Variants in RBFOX1 observed in about 807,000 individuals in gnomAD.
The protein encoded by RBFOX1 is RNA binding fox-1 homolog 1, also known as RNA binding protein fox-1 homolog 1.
RBFOX1 carries 8 observed loss-of-function variants against 57.7 expected under a neutral mutation model. The ratio of observed to expected loss-of-function variants is 0.14; its 90% CI spans 0.08 to 0.25. The LOEUF is 0.25. Among genes scored for constraint, RBFOX1 ranks in the 10% least tolerant of loss-of-function variants. The probability of loss-of-function intolerance (pLI) is 1.00; values close to 1 mark genes in which losing one functional copy is unlikely to be tolerated. For synonymous variants in RBFOX1, 326 were observed against 222.4 expected, an observed-to-expected ratio of 1.47 and a Z score of -4.15; for missense variants, 611 against 548.5, an observed-to-expected ratio of 1.11 and a Z score of -1.14.
intron 1 of RBFOX1, chr16:5,260,889 T>C (rs1464371363): frequency 6.6e-6 from 1 of 152,218 alleles, no homozygotes; most frequent in Non-Finnish European, 1.5e-5. Flanking sequence ...TCAAAATGGG[T>C]TCTGAGTCCA....
intron 3 of RBFOX1, among the ~76,000 whole-genome samples, chr16:7,017,318 A>G (rs2093966113): frequency 6.6e-6 from 1 of 152,170 alleles, no homozygotes; most frequent in Non-Finnish European, 1.5e-5. Context: ...TGTACTATAG[A>G]TCCAGCACCT....
chr16:6,309,044 A>C (rs977575067), intron 1 of RBFOX1, among the ~76,000 whole-genome samples: 1 of 151,982 alleles, frequency 6.6e-6, no homozygotes, highest in Non-Finnish European at 1.5e-5. Context: ...AGGAAGTTTT[A>C]ATTTTATGGA....
At chr16:6,251,852 G>A (rs761525273) in intron 1 of RBFOX1, among the ~76,000 whole-genome samples, 6 of 152,070 alleles carry the variant, frequency 3.9e-5, no homozygotes, top group African/African-American at 9.7e-5. Flanking sequence ...TCTGAGGATC[G>A]TTTAAACTTC....
intron 4 of RBFOX1, among the ~76,000 whole-genome samples, chr16:5,965,301 C>A (rs897370272): frequency 6.6e-5 from 10 of 152,200 alleles, no homozygotes; most frequent in African/African-American, 2.4e-4. Flanking sequence ...CTCAAATGTT[C>A]TTACCACAAG....
At chr16:7,479,721 G>A (rs2063495579) in intron 4 of RBFOX1, among the ~76,000 whole-genome samples, 1 of 152,126 alleles carries the variant, frequency 6.6e-6, no homozygotes, top group Non-Finnish European at 1.5e-5. Context: ...CTGGAGGGGG[G>A]GCAGGTGTAG....
chr16:6,919,032 G>C (rs927329602), intron 3 of RBFOX1, among the ~76,000 whole-genome samples: 2 of 152,154 alleles, frequency 1.3e-5, no homozygotes, highest in African/African-American at 4.8e-5. Context: ...CCAGGCTGGA[G>C]TGCACAGGTA....
At chr16:7,460,497 A>G (rs147631770) in intron 4 of RBFOX1, among the ~76,000 whole-genome samples, 7,128 of 145,392 alleles carry the variant, frequency 0.049, 584 homozygotes, top group African/African-American at 0.17. Context: ...CCTTATATAT[A>G]ATATATACAT....
At chr16:7,370,746 T>C (rs2097550454) in intron 4 of RBFOX1, among the ~76,000 whole-genome samples, 1 of 152,218 alleles carries the variant, frequency 6.6e-6, no homozygotes, top group South Asian at 2.1e-4. Flanking sequence ...TACCCGAGGT[T>C]TTGGAATGTG....
chr16:6,287,362 A>G, intron 1 of RBFOX1, among the ~76,000 whole-genome samples: 1 of 152,168 alleles, frequency 6.6e-6, no homozygotes, highest in East Asian at 1.9e-4. Flanking sequence ...TTTTCCCAGT[A>G]GGAAACAAAC....
intron 1 of RBFOX1, among the ~76,000 whole-genome samples, chr16:6,119,804 T>C (rs1016562382): frequency 3.9e-5 from 6 of 152,148 alleles, no homozygotes; most frequent in Non-Finnish European, 7.4e-5. Flanking sequence ...CTGGCCCCAT[T>C]AACCTTTTTA....
chr16:6,927,527 T>A (rs2075820093), intron 3 of RBFOX1, among the ~76,000 whole-genome samples: 1 of 151,358 alleles, frequency 6.6e-6, no homozygotes, highest in East Asian at 2.0e-4. Context: ...TGTGAGCAGA[T>A]ATTTCTTTGT....
At chr16:6,209,810 T>C (rs921417794) in intron 1 of RBFOX1, among the ~76,000 whole-genome samples, 36 of 152,158 alleles carry the variant, frequency 2.4e-4, no homozygotes, top group African/African-American at 8.4e-4. Context: ...TTTTAGCTGC[T>C]TGTCCTACAG....
At chr16:6,811,215 AAAT>A (rs1255474917) in intron 3 of RBFOX1, among the ~76,000 whole-genome samples, 1 of 152,210 alleles carries the variant, frequency 6.6e-6, no homozygotes, top group Non-Finnish European at 1.5e-5. Flanking sequence ...CCTTTGCAGG[AAAT>A]AATATAGGCA....
intron 4 of RBFOX1, among the ~76,000 whole-genome samples, chr16:5,904,322 C>T (rs1248733760): frequency 1.3e-5 from 2 of 152,100 alleles, no homozygotes; most frequent in Non-Finnish European, 2.9e-5. Flanking sequence ...GAATACAAAG[C>T]TTCCCCTCGA....
intron 4 of RBFOX1, among the ~76,000 whole-genome samples, chr16:5,927,124 C>G (rs148830604): frequency 5.3e-4 from 80 of 152,232 alleles, no homozygotes; most frequent in African/African-American, 1.9e-3. Context: ...TCCATTTTGA[C>G]TGACATTTAT....
chr16:5,791,583 C>T (rs1307740025), intron 3 of RBFOX1, among the ~76,000 whole-genome samples: 2 of 152,044 alleles, frequency 1.3e-5, no homozygotes, highest in African/African-American at 4.8e-5. Flanking sequence ...GGTGACTCTC[C>T]AGGTTCCAGG....
At chr16:6,831,028 C>G (rs957800419) in intron 3 of RBFOX1, among the ~76,000 whole-genome samples, 5 of 152,124 alleles carry the variant, frequency 3.3e-5, no homozygotes, top group African/African-American at 1.2e-4. Context: ...AAGCCTTTTC[C>G]CAATTGATCT....
At chr16:6,499,630 A>T (rs561762651) in intron 2 of RBFOX1, among the ~76,000 whole-genome samples, 1 of 152,226 alleles carries the variant, frequency 6.6e-6, no homozygotes, top group South Asian at 2.1e-4. Context: ...TCAGTAGGGC[A>T]TGAGGTATTT....
chr16:7,488,578 T>C (rs1306378083), intron 4 of RBFOX1, among the ~76,000 whole-genome samples: 1 of 152,082 alleles, frequency 6.6e-6, no homozygotes, highest in African/African-American at 2.4e-5. Flanking sequence ...TGTTTATCCA[T>C]TCTGACATCG....
Sources: allele counts gnomAD v4.1 joint callset (sites outside exome capture counted in the v4.1 genomes callset), GRCh38; gene constraint gnomAD v4.1.1; transcripts MANE v1.5; gene names NCBI Gene and HGNC (gene_info 2026-07-23, HGNC 2026-07-21).